Variants in CAST observed in about 807,000 individuals in gnomAD.
CAST encodes MIR583 host.
CAST carries 76 observed loss-of-function variants against 119.6 expected under a neutral mutation model. The ratio of observed to expected loss-of-function variants is 0.64; its 90% CI spans 0.53 to 0.77. The LOEUF (loss-of-function observed/expected upper bound fraction) is 0.77. Among genes scored for constraint, CAST ranks in the 30% least tolerant of loss-of-function variants. The probability of loss-of-function intolerance (pLI) is 0.00; values close to 1 mark genes in which losing one functional copy is unlikely to be tolerated. For synonymous variants in CAST, 319 were observed against 331.6 expected, an observed-to-expected ratio of 0.96 and a Z score of 0.41; for missense variants, 953 against 946.5, an observed-to-expected ratio of 1.01 and a Z score of -0.09.
the CAST span, among the ~76,000 whole-genome samples, chr5:95,971,843 G>T: frequency 6.6e-6 from 1 of 152,072 alleles, no homozygotes; most frequent in Non-Finnish European, 1.5e-5. Flanking sequence ...CGGTTTAGCT[G>T]CCAGCTGAAG....
intron 10 of CAST, among the ~76,000 whole-genome samples, chr5:96,737,015 G>C (rs1761798946): frequency 1.3e-5 from 2 of 152,142 alleles, no homozygotes; most frequent in Non-Finnish European, 2.9e-5. Flanking sequence ...TGTGAAGGAG[G>C]AACAGTCAAA....
At chr5:96,174,540 A>G in the CAST span, among the ~76,000 whole-genome samples, 7 of 152,340 alleles carry the variant, frequency 4.6e-5, no homozygotes, top group Admixed American at 4.6e-4. Context: ...TAAAGGTTTA[A>G]TGTGCAGACA....
chr5:96,643,284 C>A (rs1406477044), intron 1 of CAST, among the ~76,000 whole-genome samples: 1 of 152,128 alleles, frequency 6.6e-6, no homozygotes, highest in Non-Finnish European at 1.5e-5. Flanking sequence ...CTGGAGAATA[C>A]AAAATAATCC....
chr5:96,261,057 T>G, the CAST span, among the ~76,000 whole-genome samples: 1 of 152,190 alleles, frequency 6.6e-6, no homozygotes, highest in African/African-American at 2.4e-5. Flanking sequence ...CTCTCTTTTT[T>G]TGGTCCCTTT....
chr5:96,732,702 T>C (rs992201745), intron 9 of CAST, among the ~76,000 whole-genome samples: 4 of 152,104 alleles, frequency 2.6e-5, no homozygotes, highest in African/African-American at 4.8e-5. Flanking sequence ...CCCTATTTAA[T>C]AAATGGTGCT....
At chr5:96,461,331 C>T in the CAST span, among the ~76,000 whole-genome samples, 97 of 152,072 alleles carry the variant, frequency 6.4e-4, no homozygotes, top group Non-Finnish European at 5.6e-4. Flanking sequence ...CATGTGTAGA[C>T]AAGTTTTTAT....
the CAST span, among the ~76,000 whole-genome samples, chr5:96,483,169 T>G: frequency 6.6e-6 from 1 of 152,164 alleles, no homozygotes; most frequent in African/African-American, 2.4e-5. Context: ...TCCATTGAAA[T>G]GTAAATGTAA....
At chr5:96,279,387 A>G in the CAST span, among the ~76,000 whole-genome samples, 1 of 152,108 alleles carries the variant, frequency 6.6e-6, no homozygotes, top group African/African-American at 2.4e-5. Context: ...TTTGTGCCAA[A>G]CCAGGCCTGC....
chr5:95,966,771 T>A, the CAST span, among the ~76,000 whole-genome samples: 1 of 152,188 alleles, frequency 6.6e-6, no homozygotes, highest in African/African-American at 2.4e-5. Context: ...TTTAGCTTTT[T>A]TCCCCTCTCT....
the CAST span, among the ~76,000 whole-genome samples, chr5:96,203,452 G>T: frequency 3.3e-5 from 5 of 151,916 alleles, 1 homozygote; most frequent in South Asian, 1.0e-3. Context: ...TATTGAAAGG[G>T]TTACAAAAAT....
chr5:96,549,359 C>T (rs1580819649), intron 1 of CAST, among the ~76,000 whole-genome samples: 1 of 152,224 alleles, frequency 6.6e-6, no homozygotes, highest in East Asian at 1.9e-4. Context: ...AAACTAGGCC[C>T]TTACTTTATT....
the CAST span, among the ~76,000 whole-genome samples, chr5:96,272,888 TAA>T: frequency 6.6e-6 from 1 of 152,014 alleles, no homozygotes; most frequent in South Asian, 2.1e-4. Context: ...TATATATCAA[TAA>T]AAAAATAAAG....
the CAST span, among the ~76,000 whole-genome samples, chr5:96,119,113 C>G: frequency 6.6e-6 from 1 of 152,052 alleles, no homozygotes. Flanking sequence ...TAGACTTAAT[C>G]TGGTTCCCAT....
the CAST span, among the ~76,000 whole-genome samples, chr5:96,456,496 C>G: frequency 6.6e-6 from 1 of 152,200 alleles, no homozygotes; most frequent in Non-Finnish European, 1.5e-5. Context: ...GTTTAACATT[C>G]AACTTGTCCA....
At chr5:96,122,067 C>T in the CAST span, among the ~76,000 whole-genome samples, 2 of 152,048 alleles carry the variant, frequency 1.3e-5, no homozygotes, top group Admixed American at 1.3e-4. Flanking sequence ...ATTGTAATTT[C>T]TAATTATTTA....
intron 2 of CAST, among the ~76,000 whole-genome samples, chr5:96,677,617 A>G (rs1273442201): frequency 2.6e-5 from 4 of 152,176 alleles, no homozygotes; most frequent in Non-Finnish European, 4.4e-5. Flanking sequence ...ACATTGTTTT[A>G]TTACGTTTCT....
the CAST span, among the ~76,000 whole-genome samples, chr5:96,200,148 G>A: frequency 6.6e-6 from 1 of 152,120 alleles, no homozygotes; most frequent in Admixed American, 6.6e-5. Context: ...GTGTGAATGG[G>A]AAGTTTGCAT....
chr5:96,027,278 T>C, the CAST span, among the ~76,000 whole-genome samples: 2 of 152,222 alleles, frequency 1.3e-5, no homozygotes, highest in East Asian at 3.9e-4. Context: ...TAGATGGACA[T>C]TGATTACTGG....
chr5:96,216,805 T>G, the CAST span, among the ~76,000 whole-genome samples: 1 of 152,210 alleles, frequency 6.6e-6, no homozygotes, highest in Non-Finnish European at 1.5e-5. Flanking sequence ...AGAAAATGTT[T>G]GCCAAGTACC....
Sources: gnomAD v4.1 joint callset for allele counts (sites outside exome capture counted in the v4.1 genomes callset) on GRCh38, gnomAD v4.1.1 for gene constraint, MANE v1.5 for transcripts, NCBI Gene and HGNC (gene_info 2026-07-23, HGNC 2026-07-21) for gene names.